ACTN1: variants seen among roughly 807,000 people sequenced by gnomAD.
The protein encoded by ACTN1 is actinin alpha 1, also known as alpha-actinin-1.
In ACTN1, 30 loss-of-function variants were observed where a neutral mutation model predicts 119.6. The observed-to-expected ratio is 0.25, with a 90% CI of 0.19 to 0.34. The LOEUF is 0.34. Among genes scored for constraint, ACTN1 ranks in the 10% least tolerant of loss-of-function variants. ACTN1 has a pLI of 1.00. For missense variants in ACTN1, 764 were observed against 1,223.4 expected, an observed-to-expected ratio of 0.62 and a Z score of 5.60; for synonymous variants, 429 against 472.6, an observed-to-expected ratio of 0.91 and a Z score of 1.20.
At chr14:68,904,576 T>C (rs1594789731) in intron 7 of ACTN1, 79 bp downstream of exon 7, 1 of 1,347,310 alleles carries the variant, frequency 7.4e-7, no homozygotes, top group East Asian at 2.3e-5. Flanking sequence ...AGCCCCGGAC[T>C]GCTGGGGTCC....
intron 16 of ACTN1, among the ~76,000 whole-genome samples, chr14:68,881,345 C>G (rs2031490787): frequency 6.6e-6 from 1 of 152,098 alleles, no homozygotes; most frequent in Non-Finnish European, 1.5e-5. Context: ...TCTCAGGGAC[C>G]CACTGAACCA....
At chr14:68,942,259 A>G (rs187300727) in intron 1 of ACTN1, among the ~76,000 whole-genome samples, 1 of 152,254 alleles carries the variant, frequency 6.6e-6, no homozygotes. Flanking sequence ...GCACCCCTAT[A>G]GTTCCAGCTA....
chr14:68,888,260 C>T (rs890763124), intron 11 of ACTN1: 6 of 340,636 alleles, frequency 1.8e-5, no homozygotes, highest in Admixed American at 1.3e-4. Context: ...GAACTGAATA[C>T]ATGTGGCCAA....
At chr14:68,940,167 A>G (rs1182396090) in intron 1 of ACTN1, among the ~76,000 whole-genome samples, 1 of 152,190 alleles carries the variant, frequency 6.6e-6, no homozygotes, top group Non-Finnish European at 1.5e-5. Flanking sequence ...CAGGTCTGAG[A>G]GCACACAGGC....
At chr14:68,894,019 G>A (rs536814128) in intron 8 of ACTN1, among the ~76,000 whole-genome samples, 121 of 152,288 alleles carry the variant, frequency 7.9e-4, no homozygotes, top group African/African-American at 2.5e-3. Flanking sequence ...CCAACCTGCA[G>A]GTTGGGAAGA....
intron 14 of ACTN1, 107 bp downstream of exon 14, chr14:68,884,061 T>C: frequency 1.7e-6 from 2 of 1,207,564 alleles, no homozygotes; most frequent in Non-Finnish European, 2.3e-6. Context: ...GTCTATAAAA[T>C]CCTTAGGATG....
chr14:68,942,127 A>T (rs1594851948), intron 1 of ACTN1, among the ~76,000 whole-genome samples: 1 of 152,034 alleles, frequency 6.6e-6, no homozygotes, highest in African/African-American at 2.4e-5. Flanking sequence ...AGTGATTTGC[A>T]CCCCCGGGGT....
chr14:68,910,427 G>C (rs952734694), intron 4 of ACTN1, among the ~76,000 whole-genome samples: 6 of 152,144 alleles, frequency 3.9e-5, no homozygotes, highest in African/African-American at 1.4e-4. Flanking sequence ...CTCCAGACAG[G>C]GGAATCCCAC....
rs974918917 is a variant in ACTN1 at position 68,874,670 on chromosome 14, T to G, written c.*189A>C. ...GTTTTTTGGTTTTTAACGTAACTTT[T>G]TTTTCTTTTTTGCAGAAAATAATTT... On this transcript the variant is annotated 3_prime_UTR_variant, in exon 22 of 22. Coordinates refer to ENST00000394419, the MANE Select transcript of ACTN1 (RefSeq NM_001130004.2). 2.1e-6 allele frequency: 1 copy of G among 481,836 alleles called. No individual in the cohort carries two copies. Among genetic ancestry groups the G allele is most frequent in the East Asian group, 3.5e-5 (1 of 28,652 alleles). 29.8% of individuals were successfully genotyped at this position (481,836 alleles called of 1,614,324 possible).
chr14:68,931,235 AC>A (rs2035208264), intron 1 of ACTN1, among the ~76,000 whole-genome samples: 1 of 152,220 alleles, frequency 6.6e-6, no homozygotes, highest in Non-Finnish European at 1.5e-5. Flanking sequence ...AATCCAGGGG[AC>A]CGCAGCCAGC....
At chr14:68,966,764 G>C (rs535799204) in intron 1 of ACTN1, among the ~76,000 whole-genome samples, 1 of 152,124 alleles carries the variant, frequency 6.6e-6, no homozygotes, top group East Asian at 1.9e-4. Flanking sequence ...CCTCAGCAGA[G>C]GGACTGGAAG....
intron 6 of ACTN1, among the ~76,000 whole-genome samples, chr14:68,905,284 G>A (rs111707031): frequency 4.6e-5 from 7 of 152,308 alleles, no homozygotes; most frequent in Admixed American, 2.0e-4. Flanking sequence ...TGCTACCTTC[G>A]CAAGAACACT....
At chr14:68,898,131 T>C (rs1404877472) in intron 8 of ACTN1, among the ~76,000 whole-genome samples, 3 of 152,230 alleles carry the variant, frequency 2.0e-5, no homozygotes, top group Non-Finnish European at 4.4e-5. Flanking sequence ...GGCTCCTTTT[T>C]TTAGGTTTTC....
intron 1 of ACTN1, among the ~76,000 whole-genome samples, chr14:68,952,899 C>T (rs981317748): frequency 1.9e-4 from 29 of 152,228 alleles, no homozygotes; most frequent in African/African-American, 6.3e-4. Flanking sequence ...AAGCAGGGCA[C>T]GGGCAGATTT....
intron 11 of ACTN1, chr14:68,887,946 C>T: frequency 1.1e-6 from 1 of 888,418 alleles, no homozygotes; most frequent in Non-Finnish European, 1.9e-6. Context: ...ACTTTTTTGT[C>T]TGAAGATTTA....
chr14:68,916,510 C>T (rs950341279), intron 3 of ACTN1, among the ~76,000 whole-genome samples: 1 of 152,224 alleles, frequency 6.6e-6, no homozygotes, highest in Non-Finnish European at 1.5e-5. Context: ...GAGAGTAGGG[C>T]GTGCTTAATT....
intron 9 of ACTN1, among the ~76,000 whole-genome samples, chr14:68,892,996 T>C (rs551984570): frequency 4.6e-5 from 7 of 152,276 alleles, no homozygotes; most frequent in African/African-American, 9.6e-5. Context: ...TACCAGGTCC[T>C]GTAACTTGCC....
At chr14:68,964,049 C>T (rs2036623612) in intron 1 of ACTN1, among the ~76,000 whole-genome samples, 1 of 152,138 alleles carries the variant, frequency 6.6e-6, no homozygotes, top group Admixed American at 6.5e-5. Context: ...TATGCCACCC[C>T]AGGAATTAAA....
intron 3 of ACTN1, among the ~76,000 whole-genome samples, chr14:68,915,098 A>G (rs2034213945): frequency 1.3e-5 from 2 of 152,182 alleles, no homozygotes; most frequent in Non-Finnish European, 2.9e-5. Flanking sequence ...GCAAAGGTAC[A>G]CAGTACACAG....
Sources: allele counts gnomAD v4.1 joint callset (sites outside exome capture counted in the v4.1 genomes callset), GRCh38; gene constraint gnomAD v4.1.1; transcripts MANE v1.5; gene names NCBI Gene and HGNC (gene_info 2026-07-23, HGNC 2026-07-21).